CLTA: variants seen among roughly 807,000 people sequenced by gnomAD.
CLTA encodes the protein clathrin, light polypeptide (Lca).
A neutral mutation model predicts 26.9 loss-of-function variants in CLTA; 9 were observed. The observed-to-expected ratio is 0.33, with a 90% CI of 0.20 to 0.58. The LOEUF (loss-of-function observed/expected upper bound fraction) is 0.58, where lower values mean the gene tolerates loss of function less well. Ranked by LOEUF, CLTA falls within the 20% of genes least tolerant of loss-of-function variation. The pLI is 0.85. For missense variants in CLTA, 278 were observed against 294.2 expected (o/e 0.94, Z 0.40); for synonymous variants, 120 against 115.5 (o/e 1.04, Z -0.25).
intron 4 of CLTA, among the ~76,000 whole-genome samples, chr9:36,206,759 G>A (rs1827748616): frequency 1.3e-5 from 2 of 152,072 alleles, no homozygotes; most frequent in South Asian, 4.1e-4. Flanking sequence ...ACTGGGTGTG[G>A]TGGTGTGTGC....
At chr9:36,200,597 C>G (rs979717156) in intron 3 of CLTA, among the ~76,000 whole-genome samples, 1 of 152,214 alleles carries the variant, frequency 6.6e-6, no homozygotes, top group Admixed American at 6.5e-5. Flanking sequence ...TCATTTATCT[C>G]TCTAGTCCAA....
At position 36,191,239 on chromosome 9, in the gene CLTA, GC is replaced by G; in HGVS notation, c.187del (p.Gln63SerfsTer16). On this transcript the variant is annotated frameshift_variant, in exon 1 of 5. Coordinates refer to ENST00000345519, the MANE Select transcript of CLTA (RefSeq NM_001833.4). LOFTEE classifies it high-confidence loss of function. ...FAILDGGAPG[P>X]QPHGEPPGGP... ...CCATCCTGGACGGCGGCGCCCCCGG[GC>G]CCCAGCCGCACGGCGAGCCGCCGGG... is the stretch of plus-strand genomic sequence containing the variant. 6.5e-7 allele frequency: 1 copy of G among 1,537,148 alleles called. No homozygotes were observed.
At chr9:36,210,878 A>G (rs1221488346) in intron 4 of CLTA, among the ~76,000 whole-genome samples, 1 of 152,182 alleles carries the variant, frequency 6.6e-6, no homozygotes, top group Non-Finnish European at 1.5e-5. Context: ...TTCCGGCTGT[A>G]GCTCCCACCA....
At chr9:36,206,973 T>C (rs1463297633) in intron 4 of CLTA, among the ~76,000 whole-genome samples, 11 of 152,142 alleles carry the variant, frequency 7.2e-5, no homozygotes, top group Non-Finnish European at 4.4e-5. Context: ...CTGCAGTAGC[T>C]AGATGTTAAG....
intron 1 of CLTA, among the ~76,000 whole-genome samples, chr9:36,195,959 C>T (rs1177495398): frequency 6.6e-6 from 1 of 151,432 alleles, no homozygotes; most frequent in Admixed American, 6.6e-5. Context: ...CAGCGTGAGA[C>T]TCCGTCTCAA....
At chr9:36,205,119 A>T (rs528909594) in intron 4 of CLTA, among the ~76,000 whole-genome samples, 1 of 152,302 alleles carries the variant, frequency 6.6e-6, no homozygotes, top group South Asian at 2.1e-4. Flanking sequence ...AGCCAGTGCT[A>T]TTGTGGGTCC....
intron 3 of CLTA, 118 bp from the exon 4 acceptor site, chr9:36,203,950 C>G: frequency 7.2e-7 from 1 of 1,381,690 alleles, no homozygotes; most frequent in Non-Finnish European, 9.7e-7. Flanking sequence ...TCTCCCCCAA[C>G]AGGCACACAG....
intron 4 of CLTA, 113 bp from the exon 5 acceptor site, chr9:36,211,490 C>T (rs1828037955): frequency 1.4e-6 from 2 of 1,414,680 alleles, no homozygotes. Context: ...CTTGGGAAAG[C>T]CAGAATGTCA....
intron 1 of CLTA, among the ~76,000 whole-genome samples, chr9:36,192,123 T>G (rs1260585151): frequency 6.6e-6 from 1 of 152,064 alleles, no homozygotes; most frequent in Non-Finnish European, 1.5e-5. Context: ...TACAAAGAAG[T>G]AGGAAATTTA....
chr9:36,206,720 C>A (rs1292377917), intron 4 of CLTA, among the ~76,000 whole-genome samples: 1 of 151,808 alleles, frequency 6.6e-6, no homozygotes, highest in Non-Finnish European at 1.5e-5. Flanking sequence ...CATGGTGAAA[C>A]CCCATCTCTA....
chr9:36,192,329 A>G (rs537463665), intron 1 of CLTA, among the ~76,000 whole-genome samples: 2 of 152,294 alleles, frequency 1.3e-5, no homozygotes, highest in Admixed American at 6.5e-5. Context: ...TTGCTGCACT[A>G]TAGTAGTGCT....
chr9:36,211,644 C>T lies in CLTA; in HGVS notation c.527C>T (p.Ser176Phe), dbSNP rs779625550. ...TTTGTAAATGACATTGACGAGTCGT[C>T]CCCAGGCACTGAGTGGGAACGGGTG... ...EAFVNDIDES[S>F]PGTEWERVAR... Residue 176 changes from serine (S) to phenylalanine (F), a missense_variant, in exon 5 of 5, where the codon TCC (serine) becomes TTC (phenylalanine). Coordinates refer to ENST00000345519, the MANE Select transcript of CLTA (RefSeq NM_001833.4). 12 of 1,613,832 alleles carry T rather than the reference C, an allele frequency of 7.4e-6. No individual in the cohort carries two copies. The highest frequency in any genetic ancestry group is 1.1e-5 in the South Asian group (1 of 91,054).
rs191218873 is a variant in CLTA, at chr9:36,205,935, T to C, written c.485+1756T>C. ...CCACCATGCCCAGCTAATTTTTTTC[T>C]GTTTTTAGTAGAAACAAGGTTTCAC... On this transcript the variant is annotated intron_variant, in intron 4 of 4. Transcript: ENST00000345519. 1.3e-4 allele frequency among the ~76,000 whole-genome samples: 20 copies of C among 152,148 alleles called. No homozygotes were observed. The East Asian group carries it at 3.9e-3, about 29-fold the overall frequency.
chr9:36,192,766 C>T (rs748256938), intron 1 of CLTA, among the ~76,000 whole-genome samples: 2 of 152,198 alleles, frequency 1.3e-5, no homozygotes, highest in Non-Finnish European at 2.9e-5. Context: ...AGTCTACCCA[C>T]TCTTAGAATA....
At position 36,196,990 on chromosome 9, in the gene CLTA, A is replaced by G. The variant is rs565639213; in HGVS notation, c.218-561A>G. ...GGAAATCGATAGCAGCCTGGGCAGC[A>G]TGGCGAAACCCCCTTCCTACAAAAA... is the stretch of plus-strand genomic sequence containing the variant. On this transcript the variant is annotated intron_variant, in intron 1 of 4. Transcript: ENST00000345519. Among the ~76,000 whole-genome samples, 159 of 152,322 alleles carry G rather than the reference A, an allele frequency of 1.0e-3. 1 individual carries two copies. Among genetic ancestry groups the G allele is most frequent in the African/African-American group, 3.5e-3 (147 of 41,580 alleles).
At chr9:36,200,499 A>C (rs909965229) in intron 3 of CLTA, among the ~76,000 whole-genome samples, 2 of 152,262 alleles carry the variant, frequency 1.3e-5, no homozygotes, top group Non-Finnish European at 2.9e-5. Context: ...ACTAGTGAAA[A>C]CATGAGTCCT....
chr9:36,210,575 A>G (rs775246203), intron 4 of CLTA: 20 of 1,613,614 alleles, frequency 1.2e-5, no homozygotes, highest in Admixed American at 1.7e-5. Context: ...CTCATTTTCT[A>G]TATCTGACTT....
At chr9:36,204,267 C>G (rs781619346) in intron 4 of CLTA, 88 bp downstream of exon 4, 5 of 1,407,034 alleles carry the variant, frequency 3.6e-6, no homozygotes, top group Non-Finnish European at 2.9e-6. Flanking sequence ...TTGGCTTCTG[C>G]CTCCTTTAGT....
intron 4 of CLTA, among the ~76,000 whole-genome samples, chr9:36,206,283 G>A (rs1827720211): frequency 6.6e-6 from 1 of 150,712 alleles, no homozygotes; most frequent in Non-Finnish European, 1.5e-5. Flanking sequence ...TTGCAGCACA[G>A]GGCTGACTCT....
Sources: allele counts gnomAD v4.1 joint callset (sites outside exome capture counted in the v4.1 genomes callset), GRCh38; gene constraint gnomAD v4.1.1; transcripts MANE v1.5; gene names NCBI Gene and HGNC (gene_info 2026-07-23, HGNC 2026-07-21).